GMPS: variants seen among roughly 807,000 people sequenced by gnomAD.
GMPS encodes guanosine monophosphate synthase.
A neutral mutation model predicts 77.9 loss-of-function variants in GMPS; 15 were observed. The ratio of observed to expected loss-of-function variants is 0.19; its 90% confidence interval spans 0.13 to 0.30. The LOEUF is 0.30. GMPS is among the 10% of genes least tolerant of loss of function. The probability of loss-of-function intolerance (pLI) is 1.00; values close to 1 mark genes in which losing one functional copy is unlikely to be tolerated. For missense variants in GMPS, 590 were observed against 838.8 expected (o/e 0.70, Z 3.66); for synonymous variants, 224 against 275.9 (o/e 0.81, Z 1.86).
chr3:155,893,015 A>G (rs1754512218), intron 1 of GMPS, among the ~76,000 whole-genome samples: 1 of 152,166 alleles, frequency 6.6e-6, no homozygotes, highest in Non-Finnish European at 1.5e-5. Context: ...AAATCCTAAC[A>G]GTGAATTTGG....
chr3:155,935,617 G>C (rs920101846), intron 14 of GMPS, among the ~76,000 whole-genome samples: 1 of 152,212 alleles, frequency 6.6e-6, no homozygotes, highest in Non-Finnish European at 1.5e-5. Flanking sequence ...TTTGAACAAG[G>C]TGACGCTATG....
At chr3:155,906,719 CT>C (rs759593315) in intron 5 of GMPS, among the ~76,000 whole-genome samples, 1 of 150,112 alleles carries the variant, frequency 6.7e-6, no homozygotes, top group Non-Finnish European at 1.5e-5. Flanking sequence ...CAAATCTAGT[CT>C]TTTGCCTTTT....
At position 155,942,590 on chromosome 3, in the gene GMPS, T is replaced by TA. The variant is rs1755919103; in HGVS notation, c.*4899dup. Reference sequence around the variant, plus strand: ...ATTCTGGAACTGATTGCACCTATATTATGTTGTGTGTCAGACACTCCCAGG... The same window carrying TA: ...ATTCTGGAACTGATTGCACCTATATTAATGTTGTGTGTCAGACACTCCCAGG... On this transcript the variant is annotated 3_prime_UTR_variant, in exon 16 of 16. Coordinates refer to ENST00000496455, the MANE Select transcript of GMPS (RefSeq NM_003875.3). 4.4e-6 allele frequency: 1 copy of TA among 229,032 alleles called. No individual in the cohort carries two copies. The highest frequency in any genetic ancestry group is 8.7e-6 in the Non-Finnish European group (1 of 115,370). 14.2% of individuals were successfully genotyped at this position (229,032 alleles called of 1,614,324 possible).
chr3:155,896,630 A>C lies in GMPS; in HGVS notation c.210-1297A>C, dbSNP rs1420396473. Among the ~76,000 whole-genome samples the C allele has an allele frequency of 2.7e-5, 4 of 150,906 alleles. No individual in the cohort carries two copies. In the East Asian group the frequency reaches 7.8e-4, roughly 29 times the overall value. On this transcript the variant is annotated intron_variant, in intron 2 of 15. Transcript: ENST00000496455. Reference sequence around the variant, plus strand: ...GACATGGGGTTTTGCCACATTGCCCAGGCTGGTCTCGAGCTCCTGGGCTCA... The same window carrying C: ...GACATGGGGTTTTGCCACATTGCCCCGGCTGGTCTCGAGCTCCTGGGCTCA...
chr3:155,915,944 T>A, intron 8 of GMPS, 75 bp from the exon 9 acceptor site: 1 of 922,946 alleles, frequency 1.1e-6, no homozygotes, highest in Non-Finnish European at 1.6e-6. Flanking sequence ...TCTAAGAGAT[T>A]TAGCTGAAAG....
At chr3:155,876,102 G>A (rs746055236) in intron 1 of GMPS, among the ~76,000 whole-genome samples, 5 of 152,168 alleles carry the variant, frequency 3.3e-5, no homozygotes, top group Non-Finnish European at 7.3e-5. Flanking sequence ...TCAGATTACT[G>A]TCTTCTGTAC....
intron 1 of GMPS, among the ~76,000 whole-genome samples, chr3:155,880,821 C>T (rs1754192270): frequency 6.6e-6 from 1 of 151,908 alleles, no homozygotes; most frequent in Admixed American, 6.6e-5. Context: ...CCACGTCTGG[C>T]TCTCTAGAGG....
At chr3:155,924,480 C>A (rs1346362290) in intron 11 of GMPS, among the ~76,000 whole-genome samples, 1 of 152,074 alleles carries the variant, frequency 6.6e-6, no homozygotes, top group African/African-American at 2.4e-5. Flanking sequence ...GCCAGAAGGA[C>A]AGAAGATTGA....
intron 13 of GMPS, among the ~76,000 whole-genome samples, chr3:155,932,927 C>T (rs1368494909): frequency 2.0e-5 from 3 of 152,028 alleles, no homozygotes; most frequent in African/African-American, 7.2e-5. Flanking sequence ...CATGGTGGCT[C>T]ACGCCTGTAA....
chr3:155,919,001 T>C (rs1475918315), intron 9 of GMPS, among the ~76,000 whole-genome samples: 2 of 152,346 alleles, frequency 1.3e-5, no homozygotes, highest in African/African-American at 4.8e-5. Flanking sequence ...GATTTATTTA[T>C]ATTTAAAAAG....
At position 155,881,457 on chromosome 3, in the gene GMPS, C is replaced by T. The variant is rs1260036504; in HGVS notation, c.27+10560C>T. Reference sequence around the variant, plus strand: ...AAAGTGCTGGGGTTACAGGCGTGAGCCACTGCTCCTGGCTTGATATTAGTT... The same window carrying T: ...AAAGTGCTGGGGTTACAGGCGTGAGTCACTGCTCCTGGCTTGATATTAGTT... On this transcript the variant is annotated intron_variant, in intron 1 of 15. Coordinates refer to ENST00000496455, the MANE Select transcript of GMPS (RefSeq NM_003875.3). Among the ~76,000 whole-genome samples the T allele has an allele frequency of 4.6e-5, 7 of 152,108 alleles. No individual in the cohort carries two copies. In the East Asian group the frequency reaches 1.2e-3, roughly 25 times the overall value.
chr3:155,906,100 G>A, intron 4 of GMPS, 60 bp from the exon 5 acceptor site: 1 of 945,272 alleles, frequency 1.1e-6, no homozygotes, highest in South Asian at 1.9e-5. Flanking sequence ...TAAAACAAAA[G>A]AACCCATGAA....
Position 155,942,713 on chromosome 3 carries a change from T to TC in GMPS, c.*5021_*5022insC, listed in dbSNP as rs1279621927. 4.4e-6 allele frequency: 1 copy of TC among 227,664 alleles called. No homozygotes were observed. The highest frequency in any genetic ancestry group is 8.7e-6 in the Non-Finnish European group (1 of 114,674). 14.1% of individuals were successfully genotyped at this position (227,664 alleles called of 1,614,324 possible). ...GCTGTTCTTTCAACCTCTTTCTTCT[T>TC]ACTTCTTTACTTTTCCTTCAGAGAG... On this transcript the variant is annotated 3_prime_UTR_variant, in exon 16 of 16. Coordinates refer to ENST00000496455, the MANE Select transcript of GMPS (RefSeq NM_003875.3).
At chr3:155,903,996 TTAAC>T (rs1339859013) in intron 4 of GMPS, 36 bp downstream of exon 4, 12 of 792,878 alleles carry the variant, frequency 1.5e-5, no homozygotes, top group Non-Finnish European at 1.8e-5. Context: ...ACAATAGTAA[TTAAC>T]TAATTTAAAG....
At chr3:155,928,689 C>T (rs1483312274) in intron 12 of GMPS, among the ~76,000 whole-genome samples, 3 of 104,968 alleles carry the variant, frequency 2.9e-5, no homozygotes, top group Non-Finnish European at 3.7e-5. Flanking sequence ...CTCCCCCCTC[C>T]CCCCACCCCA....
intron 3 of GMPS, among the ~76,000 whole-genome samples, chr3:155,900,011 T>C (rs546514522): frequency 6.6e-6 from 1 of 152,340 alleles, no homozygotes; most frequent in Admixed American, 6.5e-5. Flanking sequence ...AGTTTACTTA[T>C]TCATCTACTA....
At chr3:155,875,155 T>C (rs567184850) in intron 1 of GMPS, among the ~76,000 whole-genome samples, 47 of 152,208 alleles carry the variant, frequency 3.1e-4, no homozygotes, top group African/African-American at 1.1e-3. Flanking sequence ...TGACCTCAAG[T>C]GAGTCGCTCA....
In GMPS at chr3:155,941,598, T is replaced by G. The variant is rs533065447; in HGVS notation, c.*3906T>G. 4.5e-6 allele frequency: 1 copy of G among 221,370 alleles called. No homozygotes were observed. Among genetic ancestry groups the G allele is most frequent in the African/African-American group, 2.2e-5 (1 of 44,706 alleles). The allele number at this position is 221,370 out of a possible 1,614,324, so 13.7% of individuals were successfully genotyped here. A position where few individuals can be genotyped will look rare whatever the true frequency, so the allele number is the denominator to read the frequency against. ...CTCCCCTCCAGAAATCTCATTGATA[T>G]GTGGCGAGGACACGCCTTAGCTATC... is the stretch of plus-strand genomic sequence containing the variant. On this transcript the variant is annotated 3_prime_UTR_variant, in exon 16 of 16. Coordinates refer to ENST00000496455, the MANE Select transcript of GMPS (RefSeq NM_003875.3).
intron 13 of GMPS, 54 bp from the exon 14 acceptor site, chr3:155,934,862 A>T: frequency 8.4e-7 from 1 of 1,183,674 alleles, no homozygotes; most frequent in East Asian, 2.3e-5. Context: ...ACTAAAATGT[A>T]ATTTCTACAT....
Sources: gnomAD v4.1 joint callset for allele counts (sites outside exome capture counted in the v4.1 genomes callset) on GRCh38, gnomAD v4.1.1 for gene constraint, MANE v1.5 for transcripts, NCBI Gene and HGNC (gene_info 2026-07-23, HGNC 2026-07-21) for gene names.